The following COL6A5 variants were observed in gnomAD, a reference collection of about 807,000 sequenced individuals.
COL6A5 encodes collagen alpha-5(VI) chain.
Under a neutral mutation model 65.6 loss-of-function variants are expected in COL6A5, and 48 were observed. The observed-to-expected ratio is 0.73, with a 90% CI of 0.58 to 0.93. COL6A5 has a LOEUF of 0.93. COL6A5 is among the 40% of genes least tolerant of loss of function. The probability of loss-of-function intolerance (pLI) is 0.00; values close to 1 mark genes in which losing one functional copy is unlikely to be tolerated. For missense variants in COL6A5, 914 were observed against 928.3 expected (o/e 0.98, Z 0.20); for synonymous variants, 291 against 322.8 (o/e 0.90, Z 1.05).
At chr3:130,455,464 T>G (rs772206271) in exon 5 of COL6A5, 4 of 1,608,470 alleles carry the variant, frequency 2.5e-6, no homozygotes, top group Non-Finnish European at 3.4e-6. Context: ...GATTTGTTAC[T>G]GAGCTACAAG....
upstream of COL6A5, among the ~76,000 whole-genome samples, chr3:130,428,915 C>T (rs184463444): frequency 6.6e-6 from 1 of 152,074 alleles, no homozygotes; most frequent in African/African-American, 2.4e-5. Context: ...TCCTAGGAAT[C>T]GAGTGAAATG....
At chr3:130,379,599 CA>C (rs1240507374) in exon 4 of COL6A5, 1 of 1,551,268 alleles carries the variant, frequency 6.4e-7, no homozygotes, top group African/African-American at 1.4e-5. Context: ...GCAATAGTGC[CA>C]AGACTATTTC....
intron 4 of COL6A5, among the ~76,000 whole-genome samples, chr3:130,445,969 A>T (rs1709294391): frequency 6.6e-6 from 1 of 152,068 alleles, no homozygotes; most frequent in Non-Finnish European, 1.5e-5. Flanking sequence ...GCAGGTTTAT[A>T]TTGAAAGTAT....
intron 1 of COL6A5, among the ~76,000 whole-genome samples, chr3:130,362,314 ATATATATATATATTTTTTTTTTTT>A (rs1459967945): frequency 3.2e-4 from 5 of 15,512 alleles, no homozygotes; most frequent in African/African-American, 8.7e-4. Context: ...ATATATATAT[ATATATATATATATTTTTTTTTTTT>A]TTTTTTTTTG....
chr3:130,464,955 A>C (rs888340483), intron 5 of COL6A5, among the ~76,000 whole-genome samples: 1 of 152,138 alleles, frequency 6.6e-6, no homozygotes, highest in Admixed American at 6.5e-5. Flanking sequence ...ATCTTTTAGA[A>C]CTGCCCAAGA....
exon 9 of COL6A5, chr3:130,397,836 C>T: frequency 6.4e-7 from 1 of 1,551,672 alleles, no homozygotes; most frequent in Non-Finnish European, 8.7e-7. Flanking sequence ...TGCTGCAAGT[C>T]AACGTCAGTG....
At chr3:130,475,067 G>A (rs1002005105) in intron 7 of COL6A5, among the ~76,000 whole-genome samples, 1 of 137,704 alleles carries the variant, frequency 7.3e-6, no homozygotes, top group African/African-American at 2.6e-5. Context: ...CAATGAACTT[G>A]AAGAAAGATT....
Position 130,350,776 on chromosome 3 carries a change from C to A in COL6A5, c.-29+4795C>A, listed in dbSNP as rs150385188. On this transcript the variant is annotated intron_variant and NMD_transcript_variant, in intron 1 of 41. Coordinates refer to the COL6A5 transcript ENST00000312481. ...ATTCTATGCCATCCCCATCAAGCTA[C>A]CAATGACTTTCTTCATAGAATTGGA... Among the ~76,000 whole-genome samples the A allele has an allele frequency of 9.8e-3, 1,485 of 152,256 alleles. 16 individuals are homozygous for A. The highest frequency in any genetic ancestry group is 0.08 in the South Asian group (384 of 4,816).
At chr3:130,408,135 C>T (rs1168150478) in intron 17 of COL6A5, among the ~76,000 whole-genome samples, 1 of 152,146 alleles carries the variant, frequency 6.6e-6, no homozygotes, top group Non-Finnish European at 1.5e-5. Flanking sequence ...GAGATAACCA[C>T]AAAGTCTGAC....
intron 7 of COL6A5, among the ~76,000 whole-genome samples, chr3:130,393,735 C>T (rs1032547890): frequency 2.6e-5 from 4 of 152,198 alleles, no homozygotes; most frequent in Non-Finnish European, 5.9e-5. Context: ...TAGCAGAGAG[C>T]TCTGAAGCAA....
intron 7 of COL6A5, chr3:130,477,079 A>T (rs1710117677): frequency 6.6e-7 from 1 of 1,517,974 alleles, no homozygotes; most frequent in South Asian, 1.2e-5. Flanking sequence ...ATCTTACCTA[A>T]GAATTCAGTA....
intron 4 of COL6A5, among the ~76,000 whole-genome samples, chr3:130,446,862 T>G (rs1709317809): frequency 6.6e-6 from 1 of 152,144 alleles, no homozygotes; most frequent in African/African-American, 2.4e-5. Context: ...ATTTTTTGCC[T>G]GTATAATGGC....
At chr3:130,458,047 G>A (rs1709616883) in intron 5 of COL6A5, among the ~76,000 whole-genome samples, 1 of 152,078 alleles carries the variant, frequency 6.6e-6, no homozygotes, top group Non-Finnish European at 1.5e-5. Flanking sequence ...AGTACCCAGA[G>A]TCCTGTGAGC....
intron 3 of COL6A5, among the ~76,000 whole-genome samples, chr3:130,378,171 C>T (rs893811917): frequency 2.0e-5 from 3 of 152,222 alleles, no homozygotes; most frequent in East Asian, 1.9e-4. Flanking sequence ...TAACCAACTG[C>T]TTACCTGGCA....
intron 3 of COL6A5, among the ~76,000 whole-genome samples, chr3:130,443,229 T>C (rs1467068824): frequency 6.6e-6 from 1 of 152,132 alleles, no homozygotes; most frequent in East Asian, 1.9e-4. Flanking sequence ...CACAACTAGC[T>C]CTTAGATGAA....
intron 1 of COL6A5, among the ~76,000 whole-genome samples, chr3:130,433,715 T>C (rs1405518603): frequency 6.6e-6 from 1 of 152,174 alleles, no homozygotes; most frequent in Non-Finnish European, 1.5e-5. Flanking sequence ...CCCTCATACT[T>C]ACCCACACTG....
chr3:130,397,605 T>G (rs1559878556), exon 9 of COL6A5: 1 of 1,550,718 alleles, frequency 6.4e-7, no homozygotes, highest in East Asian at 2.4e-5. Context: ...ACATAGTGGT[T>G]GGGTTTGACA....
chr3:130,370,472 T>A (rs1195045687), intron 1 of COL6A5, among the ~76,000 whole-genome samples: 1 of 152,186 alleles, frequency 6.6e-6, no homozygotes, highest in Non-Finnish European at 1.5e-5. Context: ...TTTTCTTTTC[T>A]GAGAGGCTGC....
chr3:130,358,113 T>C (rs111338224), intron 1 of COL6A5, among the ~76,000 whole-genome samples: 12 of 151,850 alleles, frequency 7.9e-5, no homozygotes, highest in East Asian at 5.8e-4. Flanking sequence ...GGCGTGAACC[T>C]GGGAGGCGGA....
Sources: gnomAD v4.1 joint callset for allele counts (sites outside exome capture counted in the v4.1 genomes callset) on GRCh38, gnomAD v4.1.1 for gene constraint, MANE v1.5 for transcripts, NCBI Gene and HGNC (gene_info 2026-07-23, HGNC 2026-07-21) for gene names.